Variants in SPHKAP observed in about 807,000 individuals in gnomAD.
The protein encoded by SPHKAP is SPHK1 interactor, AKAP domain containing.
In SPHKAP, 67 loss-of-function variants were observed where a neutral mutation model predicts 137.5. The ratio of observed to expected loss-of-function variants is 0.49; its 90% confidence interval spans 0.40 to 0.60. The LOEUF is 0.60. SPHKAP is among the 20% of genes least tolerant of loss of function. SPHKAP has a pLI of 0.00. For missense variants in SPHKAP, 2,097 were observed against 2,069.3 expected, an observed-to-expected ratio of 1.01 and a Z score of -0.26; for synonymous variants, 813 against 785.3, an observed-to-expected ratio of 1.04 and a Z score of -0.59.
intron 2 of SPHKAP, among the ~76,000 whole-genome samples, chr2:228,129,904 C>G (rs1257897491): frequency 6.6e-6 from 1 of 150,706 alleles, no homozygotes. Flanking sequence ...TCAAGCAATT[C>G]TCTTGTCTCA....
Position 228,019,162 on chromosome 2 carries a change from C to A in SPHKAP, c.1692G>T (p.Val564=). 1 of 1,613,814 alleles carries A rather than the reference C, an allele frequency of 6.2e-7. No homozygotes were observed. Residue 564 remains valine, a synonymous_variant, in exon 7 of 12, where the codon GTG becomes GTT. Coordinates refer to ENST00000392056, the MANE Select transcript of SPHKAP (RefSeq NM_001142644.2). ...GACCACAGACAGCCACGGCACTGGC[C>A]ACCTGAGTCATGCCACACAAAGCAG... ...FPSALCGMTQ[V]ASAVAVCGLG...
At chr2:228,030,361 A>G (rs1695239546) in intron 3 of SPHKAP, among the ~76,000 whole-genome samples, 1 of 151,968 alleles carries the variant, frequency 6.6e-6, no homozygotes, top group Non-Finnish European at 1.5e-5. Context: ...TAAAAATACA[A>G]AAAACAGCCG....
At chr2:228,055,730 C>T (rs566363606) in intron 3 of SPHKAP, among the ~76,000 whole-genome samples, 1 of 152,200 alleles carries the variant, frequency 6.6e-6, no homozygotes, top group Non-Finnish European at 1.5e-5. Context: ...ATGGCAGCCT[C>T]AGCTGCCATC....
chr2:228,002,872 G>T (rs1693964100), intron 7 of SPHKAP, among the ~76,000 whole-genome samples: 1 of 152,148 alleles, frequency 6.6e-6, no homozygotes, highest in Admixed American at 6.6e-5. Flanking sequence ...AAGATCAGAT[G>T]GTTGTAGATG....
rs1177184387 is a variant in SPHKAP at position 227,991,081 on chromosome 2, G to T, written c.4878C>A (p.Ala1626=). Residue 1626 remains alanine, a synonymous_variant, in exon 11 of 12, where the codon GCC becomes GCA. Coordinates refer to ENST00000392056, the MANE Select transcript of SPHKAP (RefSeq NM_001142644.2). The part of the protein sequence containing the change: ...EPECPDAELR[A]TLQWIAASEL... The stretch of plus-strand genomic sequence containing the variant: ...CAGAGGCAGCTATCCACTGCAGAGT[G>T]GCTCGGAGCTCGGCATCTGGACACT... 1 of 1,614,036 alleles carries T rather than the reference G, an allele frequency of 6.2e-7. No homozygotes were observed. Among genetic ancestry groups the T allele is most frequent in the Non-Finnish European group, 8.5e-7 (1 of 1,180,028 alleles).
At chr2:228,054,938 G>A (rs533862919) in intron 3 of SPHKAP, among the ~76,000 whole-genome samples, 12 of 152,024 alleles carry the variant, frequency 7.9e-5, no homozygotes, top group South Asian at 6.2e-4. Flanking sequence ...TCAGGAGTTC[G>A]AGACCAACCT....
At chr2:228,165,964 T>A (rs1369115560) in intron 1 of SPHKAP, among the ~76,000 whole-genome samples, 1 of 152,014 alleles carries the variant, frequency 6.6e-6, no homozygotes, top group Non-Finnish European at 1.5e-5. Context: ...AGATGAAGGA[T>A]TTCCAAAAAA....
chr2:228,175,319 TA>T (rs375298272), intron 1 of SPHKAP, among the ~76,000 whole-genome samples: 6,253 of 152,224 alleles, frequency 0.041, 170 homozygotes, highest in Non-Finnish European at 0.062. Context: ...CTAATTATTC[TA>T]AAAATATCTG....
chr2:228,021,569 C>T, intron 6 of SPHKAP, 142 bp downstream of exon 6: 1 of 999,862 alleles, frequency 1.0e-6, no homozygotes, highest in Non-Finnish European at 1.5e-6. Flanking sequence ...TCATATCCTC[C>T]TTCCTTCCTT....
intron 1 of SPHKAP, among the ~76,000 whole-genome samples, chr2:228,139,629 C>T (rs1425863207): frequency 1.3e-5 from 2 of 152,174 alleles, no homozygotes; most frequent in Non-Finnish European, 2.9e-5. Flanking sequence ...AAGACCCCAA[C>T]TATAATCCTT....
intron 11 of SPHKAP, among the ~76,000 whole-genome samples, chr2:227,988,593 T>C (rs559229625): frequency 2.0e-5 from 3 of 152,340 alleles, no homozygotes; most frequent in African/African-American, 7.2e-5. Context: ...AGATACATTG[T>C]ACAAACATCT....
At chr2:228,028,255 C>T (rs1020838039) in intron 3 of SPHKAP, among the ~76,000 whole-genome samples, 2 of 152,062 alleles carry the variant, frequency 1.3e-5, no homozygotes, top group African/African-American at 4.8e-5. Context: ...TTCTCCTTTC[C>T]TCTTCTCATT....
chr2:228,163,643 T>C (rs1457018828), intron 1 of SPHKAP, among the ~76,000 whole-genome samples: 10 of 152,168 alleles, frequency 6.6e-5, no homozygotes, highest in Admixed American at 5.2e-4. Context: ...CCACCTCCCT[T>C]GCTATGTGCT....
intron 1 of SPHKAP, among the ~76,000 whole-genome samples, chr2:228,156,557 T>C (rs1313682789): frequency 6.6e-6 from 1 of 152,204 alleles, no homozygotes; most frequent in Non-Finnish European, 1.5e-5. Context: ...TTCTAAGCAA[T>C]TGTAAAACCA....
intron 3 of SPHKAP, among the ~76,000 whole-genome samples, chr2:228,064,279 C>A (rs1696753090): frequency 1.3e-5 from 2 of 152,048 alleles, no homozygotes; most frequent in African/African-American, 4.8e-5. Flanking sequence ...CACAACCAGG[C>A]AGAAGAATCA....
At chr2:228,176,228 G>A (rs1032601419) in intron 1 of SPHKAP, among the ~76,000 whole-genome samples, 1 of 152,106 alleles carries the variant, frequency 6.6e-6, no homozygotes, top group Non-Finnish European at 1.5e-5. Context: ...ACCTCTGGGG[G>A]AACATTAAAA....
intron 1 of SPHKAP, among the ~76,000 whole-genome samples, chr2:228,179,552 G>A (rs1457175995): frequency 6.6e-6 from 1 of 152,064 alleles, no homozygotes; most frequent in African/African-American, 2.4e-5. Context: ...TAAAATACCC[G>A]AAATTACTAC....
intron 10 of SPHKAP, 33 bp downstream of exon 10, chr2:227,991,241 A>G: frequency 6.2e-7 from 1 of 1,614,192 alleles, no homozygotes. Flanking sequence ...AGCCCAGGCA[A>G]TTGTGTGTCA....
chr2:228,025,447 C>A lies in SPHKAP; in HGVS notation c.388G>T (p.Val130Phe). Residue 130 changes from valine (V) to phenylalanine (F), a missense_variant, in exon 5 of 12, where the codon GTC (valine) becomes TTC (phenylalanine). Physicochemically the swap from Val to Phe is conservative, Grantham distance 50 (BLOSUM62 -1). Transcript: ENST00000392056. ...TTTCCAGAGGCTAACCCACTTAGGA[C>A]AACAATTTCATTTTCTTTTGGTTGT... ...VQQPKENEIVVLSGLASGNLQ... is the reference protein window; with the variant it reads ...VQQPKENEIVFLSGLASGNLQ... 1 of 1,613,894 alleles carries A rather than the reference C, an allele frequency of 6.2e-7. No homozygotes were observed. Among genetic ancestry groups the A allele is most frequent in the Non-Finnish European group, 8.5e-7 (1 of 1,179,908 alleles).
Sources: allele counts gnomAD v4.1 joint callset (sites outside exome capture counted in the v4.1 genomes callset), GRCh38; gene constraint gnomAD v4.1.1; transcripts MANE v1.5; gene names NCBI Gene and HGNC (gene_info 2026-07-23, HGNC 2026-07-21).